IDO2: variants seen among roughly 807,000 people sequenced by gnomAD.
IDO2 encodes the protein indoleamine 2,3-dioxygenase 2.
In IDO2, 46 loss-of-function variants were observed where a neutral mutation model predicts 45.1. The observed-to-expected ratio is 1.02, with a 90% confidence interval of 0.80 to 1.30. The LOEUF (loss-of-function observed/expected upper bound fraction) is 1.30, where lower values mean the gene tolerates loss of function less well. Among genes scored for constraint, IDO2 ranks in the 50% most tolerant of loss-of-function variants. The pLI, the probability that IDO2 is intolerant of heterozygous loss-of-function variation, is 0.00. For synonymous variants in IDO2, 218 were observed against 184.9 expected (o/e 1.18, Z -1.45); for missense variants, 544 against 491.8 (o/e 1.11, Z -1.00).
chr8:39,992,188 A>C (rs756528388), intron 8 of IDO2, among the ~76,000 whole-genome samples: 2 of 152,230 alleles, frequency 1.3e-5, no homozygotes, highest in African/African-American at 2.4e-5. Context: ...ACGTGTTGCC[A>C]ATAGAATGTA....
intron 6 of IDO2, chr8:39,987,634 C>G: frequency 2.2e-6 from 1 of 464,866 alleles, no homozygotes; most frequent in East Asian, 3.3e-5. Context: ...CCATTAGGGC[C>G]ATGCTAGACA....
At chr8:40,008,277 C>T (rs1303993351) in intron 9 of IDO2, among the ~76,000 whole-genome samples, 1 of 152,122 alleles carries the variant, frequency 6.6e-6, no homozygotes, top group Admixed American at 6.5e-5. Context: ...AACTCCTGAC[C>T]TCAAGTGATC....
chr8:40,006,043 C>T (rs768714534), intron 9 of IDO2, among the ~76,000 whole-genome samples: 6 of 152,154 alleles, frequency 3.9e-5, no homozygotes, highest in African/African-American at 7.2e-5. Context: ...TTACCTTGGA[C>T]GTGGAGACCA....
intron 1 of IDO2, 128 bp from the exon 2 acceptor site, chr8:39,949,021 A>C: frequency 8.2e-7 from 1 of 1,214,468 alleles, no homozygotes; most frequent in African/African-American, 1.5e-5. Context: ...GATGATCTGG[A>C]ATTCAACCTC....
At chr8:39,961,979 G>T (rs1439829041) in intron 2 of IDO2, among the ~76,000 whole-genome samples, 1 of 152,176 alleles carries the variant, frequency 6.6e-6, no homozygotes, top group Non-Finnish European at 1.5e-5. Context: ...ACTGCTTTAA[G>T]CTTGCTTACC....
At chr8:39,976,557 T>C (rs1036695990) in intron 3 of IDO2, among the ~76,000 whole-genome samples, 1 of 152,202 alleles carries the variant, frequency 6.6e-6, no homozygotes, top group Non-Finnish European at 1.5e-5. Flanking sequence ...GAAATGCTTC[T>C]AATAAATAGG....
At chr8:39,944,109 A>T (rs886675505) in intron 1 of IDO2, among the ~76,000 whole-genome samples, 1 of 152,030 alleles carries the variant, frequency 6.6e-6, no homozygotes, top group African/African-American at 2.4e-5. Context: ...TTTCATATTT[A>T]TCTTAGAGAA....
At chr8:40,015,329 G>A in exon 11 of IDO2, 2 of 1,613,820 alleles carry the variant, frequency 1.2e-6, no homozygotes, top group Non-Finnish European at 1.7e-6. Flanking sequence ...CACCTTCCCT[G>A]AGGGACTACA....
At position 39,985,092 on chromosome 8, in the gene IDO2, C is replaced by T. The variant is rs553433100; in HGVS notation, c.435-416C>T. On this transcript the variant is annotated intron_variant, in intron 5 of 10. Transcript: ENST00000502986. ...GATTGCAGGCACCTACCACCACACC[C>T]GACTAATTTTTGTATTTTTAGAGAG... 3.6e-5 allele frequency: 11 copies of T among 301,616 alleles called. 1 individual carries two copies. The highest frequency in any genetic ancestry group is 1.5e-4 in the South Asian group (5 of 34,050). 18.7% of individuals were successfully genotyped at this position (301,616 alleles called of 1,614,324 possible).
intron 1 of IDO2, among the ~76,000 whole-genome samples, chr8:39,939,299 C>T (rs866802779): frequency 1.3e-4 from 19 of 148,838 alleles, no homozygotes; most frequent in African/African-American, 4.4e-4. Context: ...GTAATCCCAG[C>T]ACTTTGGGAG....
At chr8:39,974,782 G>T (rs928774515) in intron 3 of IDO2, among the ~76,000 whole-genome samples, 7 of 152,180 alleles carry the variant, frequency 4.6e-5, no homozygotes, top group Non-Finnish European at 1.0e-4. Context: ...TTAGCTGGGC[G>T]TGGTGGCACG....
intron 3 of IDO2, 32 bp from the exon 4 acceptor site, chr8:39,979,035 T>C (rs1409105594): frequency 6.4e-7 from 1 of 1,555,574 alleles, no homozygotes; most frequent in East Asian, 2.4e-5. Context: ...TTCCCATCCC[T>C]CCTCTGACGG....
exon 4 of IDO2, chr8:39,979,124 C>G (rs1464435086): frequency 6.2e-7 from 1 of 1,603,230 alleles, no homozygotes; most frequent in Admixed American, 1.7e-5. Context: ...CCTGGCCCAC[C>G]TGGTCCTGAG....
intron 1 of IDO2, among the ~76,000 whole-genome samples, chr8:39,941,270 C>T (rs1807638855): frequency 6.9e-6 from 1 of 145,894 alleles, no homozygotes; most frequent in Non-Finnish European, 1.5e-5. Context: ...TACAGGCATG[C>T]GACAATACTC....
chr8:39,991,565 C>CTTTTT lies in IDO2; in HGVS notation c.667+1744_667+1748dup, dbSNP rs61354300. Among the ~76,000 whole-genome samples the CTTTTT allele has an allele frequency of 7.2e-4, 74 of 103,318 alleles. 1 individual carries two copies. The highest frequency in any genetic ancestry group is 8.7e-4 in the African/African-American group (24 of 27,646). 67.8% of individuals were successfully genotyped at this position (103,318 alleles called of 152,430 possible). ...CTAGGGCTCACTTTCAGACTCACTT[C>CTTTTT]TTTTTTTTTTTTTTTTTTTTTGTGA... On this transcript the variant is annotated intron_variant, in intron 8 of 10. Transcript: ENST00000502986.
intron 4 of IDO2, among the ~76,000 whole-genome samples, chr8:39,982,068 T>C (rs1808361084): frequency 6.6e-6 from 1 of 152,124 alleles, no homozygotes; most frequent in Non-Finnish European, 1.5e-5. Flanking sequence ...CCCAGGCTCA[T>C]ACCTAGGTGC....
intron 3 of IDO2, among the ~76,000 whole-genome samples, chr8:39,976,038 G>A (rs957209715): frequency 2.0e-5 from 3 of 152,118 alleles, no homozygotes; most frequent in Non-Finnish European, 4.4e-5. Context: ...GGAGTGCAGT[G>A]GGACCATCCT....
intron 8 of IDO2, among the ~76,000 whole-genome samples, chr8:39,991,782 G>T (rs941973052): frequency 1.3e-5 from 2 of 152,088 alleles, no homozygotes; most frequent in Admixed American, 1.3e-4. Flanking sequence ...TGTTGGCCAG[G>T]CTGGTCTCGA....
chr8:39,971,252 C>G (rs545014029), intron 3 of IDO2, among the ~76,000 whole-genome samples: 3 of 152,120 alleles, frequency 2.0e-5, no homozygotes, highest in Non-Finnish European at 4.4e-5. Flanking sequence ...GACAATAAGG[C>G]CTGGATGATG....
Sources: allele counts gnomAD v4.1 joint callset (sites outside exome capture counted in the v4.1 genomes callset), GRCh38; gene constraint gnomAD v4.1.1; transcripts MANE v1.5; gene names NCBI Gene and HGNC (gene_info 2026-07-23, HGNC 2026-07-21).